The following SLC7A8 variants were observed in gnomAD, a reference collection of about 807,000 sequenced individuals.
SLC7A8 encodes large neutral amino acids transporter small subunit 2.
SLC7A8 carries 30 observed loss-of-function variants against 51.2 expected under a neutral mutation model. The observed-to-expected ratio is 0.59, with a 90% CI of 0.44 to 0.80. The LOEUF is 0.80. Among genes scored for constraint, SLC7A8 ranks in the 30% least tolerant of loss-of-function variants. The probability of loss-of-function intolerance (pLI) is 0.00; values close to 1 mark genes in which losing one functional copy is unlikely to be tolerated. For synonymous variants in SLC7A8, 257 were observed against 275.8 expected, an observed-to-expected ratio of 0.93 and a Z score of 0.67; for missense variants, 612 against 674.4, an observed-to-expected ratio of 0.91 and a Z score of 1.03.
At position 23,131,493 on chromosome 14, in the gene SLC7A8, G is replaced by A. The variant is rs1442652654; in HGVS notation, c.1081C>T (p.Arg361Cys). The change falls in exon 8 of 11, where the codon CGC becomes TGC. Residue 361 changes from arginine to cysteine, a missense_variant. By Grantham distance (180) the Arg-to-Cys change is radical. Transcript: ENST00000316902. The stretch of plus-strand genomic sequence containing the variant: ...AGCAGGGCTGGGATTGGGGTGCAGC[G>A]CTTCACGTGGATCATGGCCAACACA... ...PSVLAMIHVKRCTPIPALLFT... is the reference protein window; with the variant it reads ...PSVLAMIHVKCCTPIPALLFT... 7.5e-6 allele frequency: 12 copies of A among 1,609,150 alleles called. No individual in the cohort carries two copies. The highest frequency in any genetic ancestry group is 2.2e-5 in the South Asian group (2 of 90,414).
chr14:23,143,970 T>G (rs985944069), intron 3 of SLC7A8, among the ~76,000 whole-genome samples: 1 of 152,254 alleles, frequency 6.6e-6, no homozygotes, highest in Non-Finnish European at 1.5e-5. Flanking sequence ...CTCATGTTGT[T>G]GCATATATTA....
At chr14:23,173,092 AT>A (rs1029899269) in intron 1 of SLC7A8, among the ~76,000 whole-genome samples, 21 of 152,222 alleles carry the variant, frequency 1.4e-4, no homozygotes, top group African/African-American at 5.1e-4. Context: ...ATCTTGAATA[AT>A]GATTTGTTTT....
Position 23,180,512 on chromosome 14 carries a change from T to C in SLC7A8, c.151+2252A>G, listed in dbSNP as rs77859252. Among the ~76,000 whole-genome samples the C allele has an allele frequency of 5.7e-3, 867 of 152,342 alleles. 8 individuals carry two copies. Among genetic ancestry groups the C allele is most frequent in the African/African-American group, 0.019 (792 of 41,586 alleles). ...CCTATTAACTCTACAAGGATTCTCA[T>C]GTTTTGCAAAAATATCCCAATTTCT... is the stretch of plus-strand genomic sequence containing the variant. On this transcript the variant is annotated intron_variant, in intron 1 of 10. Transcript: ENST00000316902.
chr14:23,175,504 C>T (rs866464602), intron 1 of SLC7A8, among the ~76,000 whole-genome samples: 7 of 152,152 alleles, frequency 4.6e-5, no homozygotes, highest in African/African-American at 1.2e-4. Context: ...CCACCGCACC[C>T]GGCCGGTACA....
chr14:23,172,517 T>C (rs1167343675), intron 1 of SLC7A8, among the ~76,000 whole-genome samples: 1 of 151,434 alleles, frequency 6.6e-6, no homozygotes, highest in Non-Finnish European at 1.5e-5. Context: ...AGCCTGGGGG[T>C]GGTGGGGGGC....
At chr14:23,153,975 G>T (rs1328919031) in intron 3 of SLC7A8, among the ~76,000 whole-genome samples, 2 of 152,094 alleles carry the variant, frequency 1.3e-5, no homozygotes, top group African/African-American at 4.8e-5. Context: ...CCACAGGGCG[G>T]GAGAGAGCAA....
intron 1 of SLC7A8, 128 bp downstream of exon 1, chr14:23,182,636 A>T: frequency 9.7e-7 from 1 of 1,030,714 alleles, no homozygotes; most frequent in Non-Finnish European, 1.3e-6. Context: ...GAGGTGAGTT[A>T]CAGCTCAGGT....
At chr14:23,148,580 G>C (rs1208921022) in intron 3 of SLC7A8, among the ~76,000 whole-genome samples, 1 of 152,234 alleles carries the variant, frequency 6.6e-6, no homozygotes, top group Non-Finnish European at 1.5e-5. Context: ...AGAGGGACCA[G>C]TGTTGTCACA....
chr14:23,168,439 T>C lies in SLC7A8; in HGVS notation c.152-1899A>G, dbSNP rs530291472. ...AGAGATCTAGAGACAGGTTTGCTAA[T>C]AGTGCTGAAAGATGATAGTAAATTC... is the stretch of plus-strand genomic sequence containing the variant. On this transcript the variant is annotated intron_variant, in intron 1 of 10. Transcript: ENST00000316902. Among the ~76,000 whole-genome samples the C allele has an allele frequency of 1.6e-3, 240 of 152,300 alleles. 2 individuals are homozygous for C. The highest frequency in any genetic ancestry group is 5.6e-3 in the African/African-American group (233 of 41,564).
At chr14:23,149,352 C>G (rs1477029539) in intron 3 of SLC7A8, among the ~76,000 whole-genome samples, 1 of 152,192 alleles carries the variant, frequency 6.6e-6, no homozygotes, top group African/African-American at 2.4e-5. Flanking sequence ...CCCCCAGTCT[C>G]CCCTGTATTC....
intron 1 of SLC7A8, among the ~76,000 whole-genome samples, chr14:23,167,934 A>G (rs1373304050): frequency 6.6e-6 from 1 of 152,140 alleles, no homozygotes; most frequent in Non-Finnish European, 1.5e-5. Flanking sequence ...CTCAACCTCA[A>G]TCTAGCCCTG....
At chr14:23,180,958 C>T (rs553393469) in intron 1 of SLC7A8, among the ~76,000 whole-genome samples, 2 of 152,068 alleles carry the variant, frequency 1.3e-5, no homozygotes, top group South Asian at 4.1e-4. Context: ...ACCCGGGAGG[C>T]GGAGCTTGCA....
chr14:23,142,774 T>C (rs1466972170), intron 4 of SLC7A8, among the ~76,000 whole-genome samples: 1 of 152,186 alleles, frequency 6.6e-6, no homozygotes, highest in African/African-American at 2.4e-5. Flanking sequence ...AGTGCTGGGA[T>C]TACAGGTGTG....
In SLC7A8 at chr14:23,166,386, T is replaced by C. The variant is rs760182685; in HGVS notation, c.306A>G (p.Lys102=). ...TGACATAGGAGTAGTCACCTCCAGA[T>C]TTGGGGATGGTGACCCCGAGTTCAG... ...CYAELGVTIP[K]SGGDYSYVKD... Residue 102 remains lysine (K), a synonymous_variant, in exon 2 of 11, where the codon AAA becomes AAG. Transcript: ENST00000316902. 3 of 1,614,100 alleles carry C rather than the reference T, an allele frequency of 1.9e-6. No individual in the cohort carries two copies. Among genetic ancestry groups the C allele is most frequent in the East Asian group, 2.2e-5 (1 of 44,884 alleles).
rs80016268 is a variant in SLC7A8, at chr14:23,131,933, T to C, written c.1017-376A>G. On this transcript the variant is annotated intron_variant, in intron 7 of 10. Transcript: ENST00000316902. ...CTCTTTAAAAGCATTCCTCACATCCTCAAAGGATGCAGATTCCCTAATACA... is the reference window on the plus strand; with the variant it reads ...CTCTTTAAAAGCATTCCTCACATCCCCAAAGGATGCAGATTCCCTAATACA... Among the ~76,000 whole-genome samples the C allele has an allele frequency of 6.6e-3, 1,003 of 151,592 alleles. 8 individuals are homozygous for C. Among genetic ancestry groups the C allele is most frequent in the African/African-American group, 0.023 (965 of 41,346 alleles).
intron 3 of SLC7A8, among the ~76,000 whole-genome samples, chr14:23,163,290 AG>A (rs1165799532): frequency 6.6e-6 from 1 of 152,188 alleles, no homozygotes; most frequent in Non-Finnish European, 1.5e-5. Flanking sequence ...ATCTCACAGT[AG>A]GGTGGACGAG....
intron 3 of SLC7A8, among the ~76,000 whole-genome samples, chr14:23,154,962 T>TAAA (rs201310696): frequency 1.0e-3 from 35 of 34,960 alleles, no homozygotes; most frequent in African/African-American, 2.2e-3. Flanking sequence ...AGAAAAACGT[T>TAAA]AAAAAAAAAA....
At chr14:23,157,767 C>T (rs1270556546) in intron 3 of SLC7A8, among the ~76,000 whole-genome samples, 2 of 152,204 alleles carry the variant, frequency 1.3e-5, no homozygotes, top group African/African-American at 2.4e-5. Context: ...ATTTACATGT[C>T]ACTTTCTCCA....
chr14:23,159,751 A>C (rs1420272849), intron 3 of SLC7A8, among the ~76,000 whole-genome samples: 1 of 152,252 alleles, frequency 6.6e-6, no homozygotes, highest in African/African-American at 2.4e-5. Context: ...CTGCAGAGGA[A>C]TTGCAAAGCA....
Sources: allele counts gnomAD v4.1 joint callset (sites outside exome capture counted in the v4.1 genomes callset), GRCh38; gene constraint gnomAD v4.1.1; transcripts MANE v1.5; gene names NCBI Gene and HGNC (gene_info 2026-07-23, HGNC 2026-07-21).